Variants in SAMD4A observed in about 807,000 individuals in gnomAD.
SAMD4A encodes the protein protein Smaug homolog 1.
In SAMD4A, 33 loss-of-function variants were observed where a neutral mutation model predicts 81.3. That is an observed-to-expected ratio of 0.41 (90% CI 0.31 to 0.54). The LOEUF (loss-of-function observed/expected upper bound fraction) is 0.54, where lower values mean the gene tolerates loss of function less well. SAMD4A is among the 20% of genes least tolerant of loss of function. The probability of loss-of-function intolerance (pLI) is 0.37; values close to 1 mark genes in which losing one functional copy is unlikely to be tolerated. For missense variants in SAMD4A, 854 were observed against 951.1 expected, an observed-to-expected ratio of 0.90 and a Z score of 1.34; for synonymous variants, 389 against 382.1, an observed-to-expected ratio of 1.02 and a Z score of -0.21.
intron 2 of SAMD4A, among the ~76,000 whole-genome samples, chr14:54,603,038 A>G (rs747946127): frequency 2.6e-5 from 4 of 152,176 alleles, no homozygotes; most frequent in Non-Finnish European, 2.9e-5. Flanking sequence ...ACACTGGTGT[A>G]GGTTTCTGGT....
intron 3 of SAMD4A, among the ~76,000 whole-genome samples, chr14:54,706,087 C>T (rs1219834270): frequency 6.6e-6 from 1 of 152,044 alleles, no homozygotes; most frequent in Non-Finnish European, 1.5e-5. Context: ...GTGGCTCATG[C>T]CTGTAATCCC....
chr14:54,571,258 C>T (rs2033119690), intron 2 of SAMD4A, among the ~76,000 whole-genome samples: 1 of 152,020 alleles, frequency 6.6e-6, no homozygotes, highest in African/African-American at 2.4e-5. Flanking sequence ...TGAATCAGTC[C>T]CTATGGATTT....
chr14:54,639,934 A>T (rs2035132765), intron 2 of SAMD4A, among the ~76,000 whole-genome samples: 1 of 152,076 alleles, frequency 6.6e-6, no homozygotes, highest in Non-Finnish European at 1.5e-5. Context: ...TAAAATGCCA[A>T]ATTCTTGTAA....
chr14:54,736,019 C>T (rs1157550798), intron 3 of SAMD4A, among the ~76,000 whole-genome samples: 1 of 152,202 alleles, frequency 6.6e-6, no homozygotes, highest in Admixed American at 6.5e-5. Context: ...CTGGACCTGT[C>T]AGGAACTGGT....
At chr14:54,671,771 C>G (rs576758058) in intron 2 of SAMD4A, among the ~76,000 whole-genome samples, 1 of 152,334 alleles carries the variant, frequency 6.6e-6, no homozygotes, top group Non-Finnish European at 1.5e-5. Flanking sequence ...GAACCAGCTG[C>G]CAGCAGGCAT....
chr14:54,661,184 A>T (rs2035635237), intron 2 of SAMD4A, among the ~76,000 whole-genome samples: 1 of 152,226 alleles, frequency 6.6e-6, no homozygotes, highest in Non-Finnish European at 1.5e-5. Context: ...TAAATAGAAA[A>T]GTGTGATTCA....
intron 2 of SAMD4A, among the ~76,000 whole-genome samples, chr14:54,629,514 T>C (rs2034843829): frequency 1.3e-5 from 2 of 152,244 alleles, no homozygotes; most frequent in South Asian, 4.1e-4. Context: ...TATTGGTAAC[T>C]GCTAATGACA....
intron 12 of SAMD4A, 41 bp downstream of exon 12, chr14:54,784,661 C>T (rs1468387845): frequency 2.6e-5 from 41 of 1,557,924 alleles, no homozygotes; most frequent in East Asian, 4.5e-5. Flanking sequence ...TCCCTGTTAC[C>T]GTGTGCCTGG....
intron 2 of SAMD4A, among the ~76,000 whole-genome samples, chr14:54,630,414 T>G (rs1226979482): frequency 6.6e-6 from 1 of 152,218 alleles, no homozygotes. Context: ...GGTTTTAATT[T>G]GCATTTCCCG....
chr14:54,724,003 TGGATGGAA>T (rs900357610), intron 3 of SAMD4A, among the ~76,000 whole-genome samples: 41 of 56,458 alleles, frequency 7.3e-4, no homozygotes, highest in South Asian at 1.6e-3. Context: ...GATGGATGGA[TGGATGGAA>T]GGAAGGAAGG....
intron 2 of SAMD4A, among the ~76,000 whole-genome samples, chr14:54,630,573 G>A (rs559628918): frequency 2.0e-5 from 3 of 152,232 alleles, no homozygotes; most frequent in Admixed American, 6.5e-5. Flanking sequence ...TATATTCTGA[G>A]TATTAACCCC....
At chr14:54,584,518 A>G (rs1023139437) in intron 2 of SAMD4A, among the ~76,000 whole-genome samples, 20 of 152,240 alleles carry the variant, frequency 1.3e-4, no homozygotes, top group Non-Finnish European at 4.4e-5. Context: ...AGACTCTGTC[A>G]AGTTAACCAT....
rs188923638 is a variant in SAMD4A, at chr14:54,722,569, A to G, written c.716-14455A>G. Among the ~76,000 whole-genome samples, 11 of 152,338 alleles carry G rather than the reference A, an allele frequency of 7.2e-5. No individual in the cohort carries two copies. In the East Asian group the frequency reaches 1.9e-3, roughly 27 times the overall value. On this transcript the variant is annotated intron_variant, in intron 3 of 12. Coordinates refer to ENST00000554335, the MANE Select transcript of SAMD4A (RefSeq NM_015589.6). ...GATATGCTGTGACGGATGAAGACCAAAAACATTAGGGTTCTAAGTCTTAGC... is the reference window on the plus strand; with the variant it reads ...GATATGCTGTGACGGATGAAGACCAGAAACATTAGGGTTCTAAGTCTTAGC...
intron 6 of SAMD4A, among the ~76,000 whole-genome samples, chr14:54,753,155 C>A (rs1249696240): frequency 6.6e-6 from 1 of 152,252 alleles, no homozygotes; most frequent in Non-Finnish European, 1.5e-5. Flanking sequence ...TACTAATGCA[C>A]CTCAGCACAG....
chr14:54,610,733 C>T (rs1289996025), intron 2 of SAMD4A, among the ~76,000 whole-genome samples: 1 of 152,136 alleles, frequency 6.6e-6, no homozygotes, highest in East Asian at 1.9e-4. Flanking sequence ...AGCAGATAGT[C>T]AATGATATAA....
At chr14:54,711,964 C>T (rs1258520222) in intron 3 of SAMD4A, among the ~76,000 whole-genome samples, 2 of 152,104 alleles carry the variant, frequency 1.3e-5, no homozygotes, top group Non-Finnish European at 2.9e-5. Flanking sequence ...TGCCCTTCAC[C>T]TTTTTTCACA....
Position 54,702,491 on chromosome 14 carries a change from G to A in SAMD4A, c.626G>A (p.Ser209Asn), listed in dbSNP as rs779850545. Residue 209 changes from serine to asparagine, a missense_variant, in exon 3 of 13, where the codon AGC becomes AAC. This residue lies in a region of SAMD4A where 387 missense variants were observed against 405.8 expected (regional missense o/e 0.95). Transcript: ENST00000554335. The part of the protein sequence containing the change: ...CINASNWQDK[S>N]MGCENGHVPL... The stretch of plus-strand genomic sequence containing the variant: ...AATGCCTCCAACTGGCAGGACAAAA[G>A]CATGGGGTGTGAGAATGGCCATGTG... 9 of 1,614,090 alleles carry A rather than the reference G, an allele frequency of 5.6e-6. No individual in the cohort carries two copies. In the African/African-American group the frequency reaches 1.1e-4, roughly 19 times the overall value.
chr14:54,724,949 A>C (rs2037376054), intron 3 of SAMD4A, among the ~76,000 whole-genome samples: 2 of 152,192 alleles, frequency 1.3e-5, no homozygotes, highest in South Asian at 4.1e-4. Flanking sequence ...TAAATAGGCT[A>C]ACAGCATCAC....
intron 2 of SAMD4A, among the ~76,000 whole-genome samples, chr14:54,608,885 C>A (rs2034285577): frequency 6.6e-6 from 1 of 152,202 alleles, no homozygotes; most frequent in Non-Finnish European, 1.5e-5. Flanking sequence ...GGACAGTTAG[C>A]AACGGAAGAC....
Sources: gnomAD v4.1 joint callset for allele counts (sites outside exome capture counted in the v4.1 genomes callset) on GRCh38, gnomAD v4.1.1 for gene constraint, gnomAD v4.1.1 regional missense constraint, MANE v1.5 for transcripts, NCBI Gene and HGNC (gene_info 2026-07-23, HGNC 2026-07-21) for gene names.